Variants in FGF13 observed in about 807,000 individuals in gnomAD.
FGF13 encodes fibroblast growth factor 13.
FGF13 carries 2 observed loss-of-function variants against 19.5 expected under a neutral mutation model. That is an observed-to-expected ratio of 0.10 (90% CI 0.04 to 0.32). The LOEUF (loss-of-function observed/expected upper bound fraction) is 0.32. Among genes scored for constraint, FGF13 ranks in the 10% least tolerant of loss-of-function variants. FGF13 has a pLI of 1.00. For synonymous variants in FGF13, 72 were observed against 76.9 expected, an observed-to-expected ratio of 0.94 and a Z score of 0.33; for missense variants, 113 against 192.7, an observed-to-expected ratio of 0.59 and a Z score of 2.45.
chrX:138,955,572 T>C (rs1432260009), intron 1 of FGF13, among the ~76,000 whole-genome samples: 1 of 112,156 alleles, frequency 8.9e-6, no homozygotes, highest in Non-Finnish European at 1.9e-5. Context: ...AGAGCCATGA[T>C]TCAAATTCAT....
rs767619369 is a variant in FGF13, at chrX:138,668,352, C to T, written c.403-32697G>A. Among the ~76,000 whole-genome samples the T allele has an allele frequency of 6.9e-4, 77 of 111,177 alleles. 1 individual carries two copies. Among genetic ancestry groups the T allele is most frequent in the African/African-American group, 2.4e-3 (74 of 30,683 alleles). ...ATGTCAGAGCCCTCCCTCTTAACCACTACAGGCATTTTAAAGGCAGATATT... is the reference window on the plus strand; with the variant it reads ...ATGTCAGAGCCCTCCCTCTTAACCATTACAGGCATTTTAAAGGCAGATATT... On this transcript the variant is annotated intron_variant, in intron 3 of 4. Coordinates refer to ENST00000315930, the MANE Select transcript of FGF13 (RefSeq NM_004114.5).
chrX:138,950,774 G>A (rs977554747), intron 1 of FGF13, among the ~76,000 whole-genome samples: 2 of 111,315 alleles, frequency 1.8e-5, no homozygotes, highest in East Asian at 2.9e-4. Context: ...ATAAAGATGC[G>A]ATTTTAGACA....
chrX:138,820,150 TAAGTG>T (rs1010226919), intron 3 of FGF13, among the ~76,000 whole-genome samples: 6 of 112,335 alleles, frequency 5.3e-5, no homozygotes, highest in Non-Finnish European at 1.1e-4. Flanking sequence ...TTCTTTTATT[TAAGTG>T]AACAGTTATA....
intron 3 of FGF13, among the ~76,000 whole-genome samples, chrX:138,677,721 A>T (rs1356412584): frequency 8.9e-6 from 1 of 112,335 alleles, no homozygotes; most frequent in Non-Finnish European, 1.9e-5. Context: ...ACACTTTTAC[A>T]CTATTGGTGG....
At chrX:138,895,907 G>A (rs2091501846) in intron 1 of FGF13, among the ~76,000 whole-genome samples, 1 of 111,812 alleles carries the variant, frequency 8.9e-6, no homozygotes, top group African/African-American at 3.3e-5. Flanking sequence ...GGCACACAAG[G>A]TCAAATACTG....
At chrX:138,716,707 T>A (rs1461869220), upstream of FGF13, 2 of 112,747 alleles carry the variant, frequency 1.8e-5, no homozygotes, top group East Asian at 5.6e-4. Flanking sequence ...GAGTGACTAC[T>A]GTATTCTGTT....
At position 139,166,782 on chromosome X, in the gene FGF13, CTGATATTTTG is replaced by C. The variant is rs1450217647; in HGVS notation, c.-113+36624_-113+36633del. On this transcript the variant is annotated intron_variant, in intron 1 of 2. Coordinates refer to the FGF13 transcript ENST00000421460. ...CTTTCCTTTATAAATCACTCAGTCT[CTGATATTTTG>C]TTATAATCACACAAAATAGACTAAG... Among the ~76,000 whole-genome samples the C allele has an allele frequency of 1.5e-4, 17 of 111,721 alleles. No homozygotes were observed. In the Admixed American group the frequency reaches 1.6e-3, roughly 11 times the overall value.
intron 1 of FGF13, among the ~76,000 whole-genome samples, chrX:139,061,186 A>G (rs2092334949): frequency 9.0e-6 from 1 of 111,615 alleles, no homozygotes; most frequent in Non-Finnish European, 1.9e-5. Context: ...CTTTTTCTAA[A>G]TCTTCACCAA....
chrX:139,186,607 C>T (rs948413936), intron 1 of FGF13, among the ~76,000 whole-genome samples: 2 of 111,824 alleles, frequency 1.8e-5, no homozygotes, highest in Non-Finnish European at 3.8e-5. Context: ...CATCCTCATA[C>T]ACAAAAGTAC....
intron 1 of FGF13, among the ~76,000 whole-genome samples, chrX:139,151,614 G>C (rs183358261): frequency 9.0e-6 from 1 of 111,153 alleles, no homozygotes; most frequent in East Asian, 2.8e-4. Context: ...CTTTACTTTC[G>C]CCGGAAAAAG....
intron 1 of FGF13, among the ~76,000 whole-genome samples, chrX:139,045,863 G>A (rs766437072): frequency 2.7e-5 from 3 of 111,440 alleles, no homozygotes; most frequent in East Asian, 5.7e-4. Context: ...AACCAGTCTC[G>A]AGGAAGTTCC....
chrX:138,909,943 A>G (rs1027442836), intron 1 of FGF13, among the ~76,000 whole-genome samples: 2 of 111,407 alleles, frequency 1.8e-5, no homozygotes, highest in African/African-American at 3.3e-5. Context: ...GCAAAAAAAA[A>G]TTAAGTTAGT....
At chrX:139,027,862 C>G (rs1396249947) in intron 1 of FGF13, among the ~76,000 whole-genome samples, 1 of 111,967 alleles carries the variant, frequency 8.9e-6, no homozygotes, top group African/African-American at 3.2e-5. Context: ...TATGCCTGTT[C>G]TCTCAAGCCA....
At chrX:139,015,520 A>G (rs745755686) in intron 1 of FGF13, among the ~76,000 whole-genome samples, 3 of 111,330 alleles carry the variant, frequency 2.7e-5, no homozygotes, top group African/African-American at 6.5e-5. Context: ...AAAGATCTCT[A>G]TAATGAAAAC....
chrX:139,178,909 T>C (rs1170918963), intron 1 of FGF13, among the ~76,000 whole-genome samples: 1 of 112,301 alleles, frequency 8.9e-6, no homozygotes, highest in Non-Finnish European at 1.9e-5. Flanking sequence ...CAGTGTTCTA[T>C]AATAGATCTT....
At chrX:138,855,918 C>T (rs1412097585), downstream of FGF13, among the ~76,000 whole-genome samples, 1 of 109,391 alleles carries the variant, frequency 9.1e-6, no homozygotes, top group Non-Finnish European at 1.9e-5. Flanking sequence ...TTTTTCTTAA[C>T]GAAACCAAAT....
Position 138,684,426 on chromosome X carries a change from A to T in FGF13, c.402+18558T>A, listed in dbSNP as rs955805812. Among the ~76,000 whole-genome samples, 3 of 110,625 alleles carry T rather than the reference A, an allele frequency of 2.7e-5. No homozygotes were observed. In the Admixed American group the frequency reaches 2.9e-4, roughly 11 times the overall value. On this transcript the variant is annotated intron_variant, in intron 3 of 4. Coordinates refer to ENST00000315930, the MANE Select transcript of FGF13 (RefSeq NM_004114.5). Reference sequence around the variant, plus strand: ...ATTATGTGAAAGAGAAAAATCACTCATTTTTTTTCTGTCTTTGGCTTCGTA... The same window carrying T: ...ATTATGTGAAAGAGAAAAATCACTCTTTTTTTTTCTGTCTTTGGCTTCGTA...
rs188307747 is a variant in FGF13, at chrX:138,890,956, C to A, written c.-112-26306G>T. Among the ~76,000 whole-genome samples the A allele has an allele frequency of 5.4e-5, 6 of 112,037 alleles. No homozygotes were observed. The East Asian group carries it at 1.7e-3, about 32-fold the overall frequency. ...TACAAAATGGAGAGGCATGTCTTAG[C>A]TGGAGCTGCTATAATAAAATACCAT... On this transcript the variant is annotated intron_variant, in intron 1 of 2. Transcript: ENST00000421460.
At chrX:138,980,963 G>C (rs1025577099) in intron 1 of FGF13, among the ~76,000 whole-genome samples, 4 of 111,449 alleles carry the variant, frequency 3.6e-5, no homozygotes, top group Non-Finnish European at 5.7e-5. Context: ...CTTGGGTTAA[G>C]CACTAGGAGT....
Sources: allele counts gnomAD v4.1 joint callset (sites outside exome capture counted in the v4.1 genomes callset), GRCh38; gene constraint gnomAD v4.1.1; transcripts MANE v1.5; gene names NCBI Gene and HGNC (gene_info 2026-07-23, HGNC 2026-07-21).